The following NPC1 variants were observed in gnomAD, a reference collection of about 807,000 sequenced individuals.
NPC1 encodes the protein NPC intracellular cholesterol transporter 1, also known as Niemann-Pick C1 protein.
In NPC1, 85 loss-of-function variants were observed where a neutral mutation model predicts 140.4. The ratio of observed to expected loss-of-function variants is 0.61; its 90% CI spans 0.51 to 0.72. The LOEUF is 0.72. NPC1 is among the 30% of genes least tolerant of loss of function. The probability of loss-of-function intolerance (pLI) is 0.00; values close to 1 mark genes in which losing one functional copy is unlikely to be tolerated. For synonymous variants in NPC1, 656 were observed against 624.8 expected, an observed-to-expected ratio of 1.05 and a Z score of -0.74; for missense variants, 1,504 against 1,623.8, an observed-to-expected ratio of 0.93 and a Z score of 1.27.
At chr18:23,519,539 A>C (rs2058092793), downstream of NPC1, among the ~76,000 whole-genome samples, 1 of 152,084 alleles carries the variant, frequency 6.6e-6, no homozygotes, top group African/African-American at 2.4e-5. Context: ...AAAAATTGGC[A>C]AAATGTCTGA....
chr18:23,526,728 G>A, downstream of NPC1: 1 of 1,614,138 alleles, frequency 6.2e-7, no homozygotes, highest in Non-Finnish European at 8.5e-7. Flanking sequence ...TCCAGAGAAA[G>A]GAATGCAAGA....
At chr18:23,568,108 T>A (rs1311941110) in intron 4 of NPC1, among the ~76,000 whole-genome samples, 1 of 152,148 alleles carries the variant, frequency 6.6e-6, no homozygotes, top group Non-Finnish European at 1.5e-5. Context: ...ATATAATCTA[T>A]TTTCTCATCT....
intron 6 of NPC1, 52 bp from the exon 7 acceptor site, chr18:23,557,242 T>G: frequency 5.0e-6 from 7 of 1,409,880 alleles, no homozygotes; most frequent in Non-Finnish European, 7.0e-6. Context: ...CACAGTGAGG[T>G]TGTTTTTGGG....
At chr18:23,529,297 A>T, downstream of NPC1, 1 of 1,608,644 alleles carries the variant, frequency 6.2e-7, no homozygotes, top group Non-Finnish European at 8.5e-7. Flanking sequence ...GTGGAAAAGA[A>T]GGTGGGCTGC....
chr18:23,526,113 T>C (rs1012801051), downstream of NPC1, among the ~76,000 whole-genome samples: 1 of 152,156 alleles, frequency 6.6e-6, no homozygotes, highest in African/African-American at 2.4e-5. Flanking sequence ...GGCATCCCAA[T>C]TGGGAAAGGC....
chr18:23,567,043 C>G (rs2059135770), intron 4 of NPC1, among the ~76,000 whole-genome samples: 1 of 152,146 alleles, frequency 6.6e-6, no homozygotes, highest in Non-Finnish European at 1.5e-5. Flanking sequence ...AAATAATATT[C>G]CACTGTGTGG....
downstream of NPC1, chr18:23,526,525 C>T (rs1299703452): frequency 1.8e-5 from 23 of 1,307,952 alleles, no homozygotes; most frequent in African/African-American, 4.4e-5. Flanking sequence ...CTGTACTTTG[C>T]GGCTTTTTAT....
At chr18:23,538,931 A>G (rs2058672292) in intron 19 of NPC1, 1 of 511,004 alleles carries the variant, frequency 2.0e-6, no homozygotes, top group Admixed American at 3.2e-5. Flanking sequence ...TCCTTCAAGT[A>G]TGGCCTTGAC....
downstream of NPC1, chr18:23,518,749 C>A: frequency 3.0e-6 from 2 of 664,202 alleles, no homozygotes; most frequent in Non-Finnish European, 5.2e-6. Flanking sequence ...TGAGTAACTG[C>A]ATGTTTCTTT....
At chr18:23,542,240 AAAAAG>A (rs1437369466) in intron 14 of NPC1, among the ~76,000 whole-genome samples, 1 of 124,654 alleles carries the variant, frequency 8.0e-6, no homozygotes, top group Non-Finnish European at 1.9e-5. Flanking sequence ...TAGTAGTGAA[AAAAAG>A]AAAGTTTTTT....
downstream of NPC1, chr18:23,530,693 C>T (rs971312775): frequency 2.2e-6 from 3 of 1,340,602 alleles, no homozygotes; most frequent in African/African-American, 2.9e-5. Context: ...GGGCGAGGAC[C>T]CTGGGTTAGC....
chr18:23,538,947 AG>A, intron 19 of NPC1: 1 of 489,458 alleles, frequency 2.0e-6, no homozygotes, highest in Non-Finnish European at 3.7e-6. Flanking sequence ...TTGACTGGTC[AG>A]AGCCCGGGGC....
At chr18:23,560,576 T>C in intron 5 of NPC1, 96 bp from the exon 6 acceptor site, 1 of 1,238,448 alleles carries the variant, frequency 8.1e-7, no homozygotes, top group Non-Finnish European at 1.2e-6. Context: ...CTGAAATACA[T>C]AAAACAACTG....
chr18:23,534,842 C>T (rs771725214), intron 22 of NPC1, among the ~76,000 whole-genome samples: 1 of 152,244 alleles, frequency 6.6e-6, no homozygotes, highest in Non-Finnish European at 1.5e-5. Flanking sequence ...CCGCACCGAG[C>T]TGGCGCATTG....
chr18:23,527,562 T>G (rs1217585625), downstream of NPC1, among the ~76,000 whole-genome samples: 1 of 150,160 alleles, frequency 6.7e-6, no homozygotes, highest in East Asian at 2.0e-4. Context: ...ATTATAGGCA[T>G]GTGCCACTGA....
At chr18:23,513,042 C>T (rs2057905064) in intron 3 of NPC1, among the ~76,000 whole-genome samples, 1 of 152,170 alleles carries the variant, frequency 6.6e-6, no homozygotes, top group Admixed American at 6.5e-5. Context: ...CAACCTCTGT[C>T]TCCTGGGTTC....
chr18:23,561,917 C>T (rs1019207280), intron 4 of NPC1, among the ~76,000 whole-genome samples: 22 of 152,134 alleles, frequency 1.4e-4, no homozygotes, highest in Non-Finnish European at 2.9e-4. Flanking sequence ...AAACCTCTGC[C>T]GCAGGAAGCT....
At chr18:23,540,118 C>G in intron 17 of NPC1, 117 bp from the exon 18 acceptor site, 1 of 866,538 alleles carries the variant, frequency 1.2e-6, no homozygotes, top group East Asian at 2.6e-5. Context: ...ATGCCTCCAG[C>G]TGGACTCATG....
chr18:23,580,677 G>A (rs139195103), intron 1 of NPC1, among the ~76,000 whole-genome samples: 66 of 152,318 alleles, frequency 4.3e-4, no homozygotes, highest in African/African-American at 1.4e-3. Flanking sequence ...AGGCGATGGA[G>A]GAGAGGGGCT....
Sources: gnomAD v4.1 joint callset for allele counts (sites outside exome capture counted in the v4.1 genomes callset) on GRCh38, gnomAD v4.1.1 for gene constraint, MANE v1.5 for transcripts, NCBI Gene and HGNC (gene_info 2026-07-23, HGNC 2026-07-21) for gene names.